MAGI2: variants seen among roughly 807,000 people sequenced by gnomAD.
MAGI2 encodes membrane-associated guanylate kinase, WW and PDZ domain-containing protein 2.
MAGI2 carries 35 observed loss-of-function variants against 133.3 expected under a neutral mutation model. The ratio of observed to expected loss-of-function variants is 0.26; its 90% CI spans 0.20 to 0.35. The LOEUF (loss-of-function observed/expected upper bound fraction) is 0.35. MAGI2 is among the 10% of genes least tolerant of loss of function. The probability of loss-of-function intolerance (pLI) is 1.00; values close to 1 mark genes in which losing one functional copy is unlikely to be tolerated. For synonymous variants in MAGI2, 729 were observed against 710.6 expected, an observed-to-expected ratio of 1.03 and a Z score of -0.41; for missense variants, 1,636 against 1,863.4, an observed-to-expected ratio of 0.88 and a Z score of 2.25.
intron 2 of MAGI2, among the ~76,000 whole-genome samples, chr7:78,842,134 C>T (rs1045205814): frequency 2.0e-5 from 3 of 151,828 alleles, no homozygotes; most frequent in African/African-American, 7.3e-5. Context: ...GCCTGCATCC[C>T]GTGTCAGAGA....
At chr7:78,653,082 G>A (rs1268593883) in intron 2 of MAGI2, among the ~76,000 whole-genome samples, 1 of 152,142 alleles carries the variant, frequency 6.6e-6, no homozygotes, top group African/African-American at 2.4e-5. Context: ...AAACCACAAT[G>A]AGATACCATC....
chr7:78,866,883 C>T (rs1311266299), intron 2 of MAGI2, among the ~76,000 whole-genome samples: 6 of 152,000 alleles, frequency 3.9e-5, no homozygotes, highest in African/African-American at 2.4e-5. Context: ...GGGTGAAGGA[C>T]ATGAACAGAC....
chr7:78,829,760 C>A (rs926535971), intron 2 of MAGI2, among the ~76,000 whole-genome samples: 13 of 151,930 alleles, frequency 8.6e-5, no homozygotes, highest in African/African-American at 3.1e-4. Flanking sequence ...TTTGAAGATT[C>A]AAAAATATAT....
chr7:79,041,510 G>A (rs1584767795), intron 1 of MAGI2, among the ~76,000 whole-genome samples: 1 of 151,942 alleles, frequency 6.6e-6, no homozygotes, highest in African/African-American at 2.4e-5. Context: ...TTATGCTTGA[G>A]TAATAGTAAA....
chr7:78,727,087 C>T (rs962205680), intron 2 of MAGI2, among the ~76,000 whole-genome samples: 12 of 152,132 alleles, frequency 7.9e-5, no homozygotes, highest in African/African-American at 2.7e-4. Context: ...ATTGACTTAC[C>T]TTGGCTCAAA....
In MAGI2 at chr7:79,356,336, A is replaced by G. The variant is rs1414395658; in HGVS notation, c.301+96684T>C. Among the ~76,000 whole-genome samples the G allele has an allele frequency of 2.0e-5, 3 of 152,168 alleles. No individual in the cohort carries two copies. The East Asian group carries it at 5.8e-4, about 29-fold the overall frequency. On this transcript the variant is annotated intron_variant, in intron 1 of 21. Coordinates refer to ENST00000354212, the MANE Select transcript of MAGI2 (RefSeq NM_012301.4). ...ATGTTACGAATCTCTCAGCCCCCAC[A>G]ATAATCTACATCAGCAATCAGTATT... is the stretch of plus-strand genomic sequence containing the variant.
intron 1 of MAGI2, among the ~76,000 whole-genome samples, chr7:79,425,243 C>T (rs1397395860): frequency 1.4e-5 from 2 of 143,900 alleles, no homozygotes; most frequent in South Asian, 2.2e-4. Flanking sequence ...CAGAGCGAGA[C>T]TCCGTCTCAG....
chr7:79,386,329 A>T (rs1005722800), intron 1 of MAGI2, among the ~76,000 whole-genome samples: 1 of 152,072 alleles, frequency 6.6e-6, no homozygotes, highest in Non-Finnish European at 1.5e-5. Context: ...TGATTAAAAG[A>T]ATATTCCATT....
At chr7:79,163,076 A>G (rs1824535166) in intron 1 of MAGI2, among the ~76,000 whole-genome samples, 1 of 152,110 alleles carries the variant, frequency 6.6e-6, no homozygotes, top group East Asian at 1.9e-4. Flanking sequence ...CTCCTGTGAC[A>G]AAACCTCCTT....
chr7:78,126,386 C>G (rs1388490357), intron 19 of MAGI2, among the ~76,000 whole-genome samples: 1 of 152,170 alleles, frequency 6.6e-6, no homozygotes, highest in Non-Finnish European at 1.5e-5. Context: ...CTTCACTATT[C>G]TTAAAATCTT....
At chr7:79,402,768 C>T (rs1187364142) in intron 1 of MAGI2, among the ~76,000 whole-genome samples, 1 of 152,140 alleles carries the variant, frequency 6.6e-6, no homozygotes, top group Non-Finnish European at 1.5e-5. Flanking sequence ...TCAAGACCGG[C>T]CTGGGCAACA....
chr7:78,461,934 AAAAAAAAAAAAAAG>A (rs1790086938), intron 6 of MAGI2, among the ~76,000 whole-genome samples: 1 of 138,038 alleles, frequency 7.2e-6, no homozygotes, highest in African/African-American at 2.7e-5. Flanking sequence ...AAAAAAAAAA[AAAAAAAAAAAAAAG>A]AAAGAAAGAA....
chr7:78,182,884 C>G (rs936717960), intron 13 of MAGI2, among the ~76,000 whole-genome samples: 1 of 152,162 alleles, frequency 6.6e-6, no homozygotes, highest in Non-Finnish European at 1.5e-5. Flanking sequence ...TTGTTTCTCA[C>G]TAATATTCTC....
At chr7:79,289,340 A>G (rs151260455) in intron 1 of MAGI2, among the ~76,000 whole-genome samples, 3 of 152,292 alleles carry the variant, frequency 2.0e-5, no homozygotes, top group African/African-American at 4.8e-5. Flanking sequence ...AGTTGTTAAC[A>G]TCTCTAATAG....
At chr7:78,061,620 G>T (rs2151137359) in intron 21 of MAGI2, among the ~76,000 whole-genome samples, 1 of 152,290 alleles carries the variant, frequency 6.6e-6, no homozygotes, top group Admixed American at 6.5e-5. Context: ...CTAGCAGGCA[G>T]TTTGAAGTCT....
intron 9 of MAGI2, among the ~76,000 whole-genome samples, chr7:78,317,393 G>A (rs891990739): frequency 3.3e-5 from 5 of 152,158 alleles, no homozygotes; most frequent in African/African-American, 7.2e-5. Context: ...TTAGCCATTG[G>A]CCTCCACCTA....
intron 1 of MAGI2, among the ~76,000 whole-genome samples, chr7:79,098,138 T>G (rs1314692068): frequency 1.3e-5 from 2 of 152,060 alleles, no homozygotes; most frequent in Non-Finnish European, 2.9e-5. Context: ...AAATAGCAGA[T>G]GCGCAATTTT....
chr7:79,294,774 G>A (rs1297156174), intron 1 of MAGI2, among the ~76,000 whole-genome samples: 2 of 124,502 alleles, frequency 1.6e-5, no homozygotes, highest in Non-Finnish European at 3.2e-5. Flanking sequence ...CTGTTACTCG[G>A]GCTGGAGTGC....
intron 3 of MAGI2, among the ~76,000 whole-genome samples, chr7:78,579,831 T>C (rs2150805333): frequency 6.6e-6 from 1 of 152,262 alleles, no homozygotes; most frequent in Middle Eastern, 3.4e-3. Flanking sequence ...CCATTCTAAC[T>C]AAGAACCGAT....
Sources: gnomAD v4.1 joint callset for allele counts (sites outside exome capture counted in the v4.1 genomes callset) on GRCh38, gnomAD v4.1.1 for gene constraint, MANE v1.5 for transcripts, NCBI Gene and HGNC (gene_info 2026-07-23, HGNC 2026-07-21) for gene names.